SEPTIN9: variants seen among roughly 807,000 people sequenced by gnomAD.
SEPTIN9 encodes the protein septin-9.
A neutral mutation model predicts 56.6 loss-of-function variants in SEPTIN9; 13 were observed. That is an observed-to-expected ratio of 0.23 (90% confidence interval 0.15 to 0.37). The LOEUF (loss-of-function observed/expected upper bound fraction) is 0.37, where lower values mean the gene tolerates loss of function less well. Among genes scored for constraint, SEPTIN9 ranks in the 10% least tolerant of loss-of-function variants. The probability of loss-of-function intolerance (pLI) is 1.00; values close to 1 mark genes in which losing one functional copy is unlikely to be tolerated. For synonymous variants in SEPTIN9, 332 were observed against 334.1 expected, an observed-to-expected ratio of 0.99 and a Z score of 0.07; for missense variants, 650 against 823.1, an observed-to-expected ratio of 0.79 and a Z score of 2.57.
chr17:77,332,223 G>A (rs1388153633), intron 2 of SEPTIN9, among the ~76,000 whole-genome samples: 3 of 152,108 alleles, frequency 2.0e-5, no homozygotes, highest in African/African-American at 7.2e-5. Context: ...GCTGCAGTGA[G>A]CTGGGATTGT....
chr17:77,333,442 G>T (rs1264404322), intron 2 of SEPTIN9, among the ~76,000 whole-genome samples: 1 of 152,092 alleles, frequency 6.6e-6, no homozygotes, highest in African/African-American at 2.4e-5. Flanking sequence ...GCCCAAGCAG[G>T]TCTGAAACTC....
At chr17:77,372,806 G>A (rs1478626582) in intron 2 of SEPTIN9, among the ~76,000 whole-genome samples, 1 of 151,604 alleles carries the variant, frequency 6.6e-6, no homozygotes, top group Non-Finnish European at 1.5e-5. Flanking sequence ...CATGGGACTC[G>A]CATGTTCGCC....
At chr17:77,489,383 G>A (rs531280543) in intron 7 of SEPTIN9, among the ~76,000 whole-genome samples, 10 of 152,280 alleles carry the variant, frequency 6.6e-5, no homozygotes, top group East Asian at 3.9e-4. Flanking sequence ...ACCTGACGTC[G>A]CCCCTAGAGA....
At chr17:77,472,023 G>T (rs1165135125) in intron 3 of SEPTIN9, among the ~76,000 whole-genome samples, 1 of 152,198 alleles carries the variant, frequency 6.6e-6, no homozygotes, top group Non-Finnish European at 1.5e-5. Flanking sequence ...TGCCCTCCCT[G>T]CAGCCTAAGT....
At chr17:77,427,816 C>T (rs1393202714) in intron 3 of SEPTIN9, among the ~76,000 whole-genome samples, 1 of 152,116 alleles carries the variant, frequency 6.6e-6, no homozygotes, top group Non-Finnish European at 1.5e-5. Context: ...GCAGGGGAGC[C>T]GAGAGGGGGC....
At chr17:77,320,152 G>A in intron 2 of SEPTIN9, 1 of 1,512,678 alleles carries the variant, frequency 6.6e-7, no homozygotes, top group South Asian at 1.3e-5. Flanking sequence ...GTGGTAATTC[G>A]GATGCATTCG....
intron 3 of SEPTIN9, among the ~76,000 whole-genome samples, chr17:77,464,174 A>G (rs1207010335): frequency 6.6e-6 from 1 of 151,614 alleles, no homozygotes; most frequent in Non-Finnish European, 1.5e-5. Context: ...CCTGGGTTCA[A>G]GTGATTCTCC....
chr17:77,408,450 C>G (rs994368601), intron 3 of SEPTIN9, among the ~76,000 whole-genome samples: 1 of 152,072 alleles, frequency 6.6e-6, no homozygotes, highest in Non-Finnish European at 1.5e-5. Flanking sequence ...GGTCAGGCCC[C>G]CCCGAGCTGA....
chr17:77,411,629 T>C (rs1395339432), intron 3 of SEPTIN9, among the ~76,000 whole-genome samples: 1 of 151,752 alleles, frequency 6.6e-6, no homozygotes, highest in African/African-American at 2.4e-5. Flanking sequence ...CTTGAACTCC[T>C]GACCTTGAGA....
Position 77,492,662 on chromosome 17 carries a change from C to G in SEPTIN9, c.1422C>G (p.Pro474=), listed in dbSNP as rs1361240920. 5 of 1,614,020 alleles carry G rather than the reference C, an allele frequency of 3.1e-6. No individual in the cohort carries two copies. The highest frequency in any genetic ancestry group is 3.3e-5 in the Admixed American group (2 of 60,002). Residue 474 remains proline (P), a synonymous_variant, in exon 9 of 12, where the codon CCC becomes CCG. Transcript: ENST00000427177. The surrounding 1 kb of genome is among the most constrained non-coding windows in gnomAD (Gnocchi z 5.4). Reference sequence around the variant, plus strand: ...TGTCCAACGGCATCGACGTGTACCCCCAGAAGGAATTTGATGAGGACTCGG... The same window carrying G: ...TGTCCAACGGCATCGACGTGTACCCGCAGAAGGAATTTGATGAGGACTCGG... ...DLLSNGIDVY[P]QKEFDEDSED...
intron 10 of SEPTIN9, among the ~76,000 whole-genome samples, chr17:77,495,073 G>T (rs1210909435): frequency 1.3e-5 from 2 of 152,214 alleles, no homozygotes; most frequent in East Asian, 3.8e-4. Flanking sequence ...GGATGGATGG[G>T]CCTGGGACGG....
chr17:77,307,129 C>G lies in SEPTIN9; in HGVS notation c.20-12C>G. ...GCCTTGTGTGACCTTTGCCCTTTGT[C>G]TCTGTCTTTAGGAGGCACGCGGACC... On this transcript the variant is annotated splice_polypyrimidine_tract_variant and intron_variant, in intron 1 of 11. Coordinates refer to ENST00000427177, the MANE Select transcript of SEPTIN9 (RefSeq NM_001113491.2). The G allele has an allele frequency of 6.2e-7, 1 of 1,613,834 alleles. No homozygotes were observed. The highest frequency in any genetic ancestry group is 1.1e-5 in the South Asian group (1 of 91,084).
At chr17:77,418,194 C>T (rs533163374) in intron 3 of SEPTIN9, among the ~76,000 whole-genome samples, 2 of 152,326 alleles carry the variant, frequency 1.3e-5, no homozygotes, top group Non-Finnish European at 2.9e-5. Context: ...GACAGGATAG[C>T]CCTGCCTCAT....
At chr17:77,460,616 C>G (rs749991201) in intron 3 of SEPTIN9, among the ~76,000 whole-genome samples, 1 of 152,102 alleles carries the variant, frequency 6.6e-6, no homozygotes, top group Non-Finnish European at 1.5e-5. Context: ...CAGAAATGGC[C>G]CAGGAAACCG....
chr17:77,289,407 CTTTTTTTTT>C (rs572213399), intron 1 of SEPTIN9, among the ~76,000 whole-genome samples: 6 of 102,546 alleles, frequency 5.9e-5, no homozygotes, highest in Non-Finnish European at 7.8e-5. Flanking sequence ...TGCATTTATG[CTTTTTTTTT>C]TTTTTTTTTG....
At chr17:77,432,826 G>A (rs768347669) in intron 3 of SEPTIN9, among the ~76,000 whole-genome samples, 35 of 152,258 alleles carry the variant, frequency 2.3e-4, no homozygotes, top group Non-Finnish European at 4.7e-4. Context: ...CCACCGCGGC[G>A]GCTGAGCAGA....
chr17:77,445,326 A>T lies in SEPTIN9; in HGVS notation c.722-36818A>T. On this transcript the variant is annotated intron_variant, in intron 3 of 11. Coordinates refer to ENST00000427177, the MANE Select transcript of SEPTIN9 (RefSeq NM_001113491.2). The surrounding 1 kb of genome is among the most constrained non-coding windows in gnomAD (Gnocchi z 4.7). ...AAGCGCGGCCGCCAGCTCACAAAGG[A>T]TAGGGAGGGATATTGCTCTTGGCAT... The T allele has an allele frequency of 2.2e-6, 1 of 464,630 alleles. No homozygotes were observed. The highest frequency in any genetic ancestry group is 4.4e-6 in the Non-Finnish European group (1 of 226,998). 28.8% of individuals were successfully genotyped at this position (464,630 alleles called of 1,614,324 possible). A position where few individuals can be genotyped will look rare whatever the true frequency, so the allele number is the denominator to read the frequency against.
chr17:77,399,579 C>T (rs1438874604), intron 2 of SEPTIN9, among the ~76,000 whole-genome samples: 1 of 152,150 alleles, frequency 6.6e-6, no homozygotes, highest in Non-Finnish European at 1.5e-5. Context: ...CTGTGTCTAC[C>T]CCGTACTTCA....
chr17:77,332,580 G>A (rs1215181335), intron 2 of SEPTIN9, among the ~76,000 whole-genome samples: 1 of 152,152 alleles, frequency 6.6e-6, no homozygotes, highest in African/African-American at 2.4e-5. Context: ...GGTGTGAAAC[G>A]TTCCGTTCTT....
Sources: allele counts gnomAD v4.1 joint callset (sites outside exome capture counted in the v4.1 genomes callset), GRCh38; gene constraint gnomAD v4.1.1; non-coding constraint Gnocchi (gnomAD v3.1); transcripts MANE v1.5; gene names NCBI Gene and HGNC (gene_info 2026-07-23, HGNC 2026-07-21).